MITF: variants seen among roughly 807,000 people sequenced by gnomAD.
MITF encodes the protein melanocyte inducing transcription factor.
In MITF, 17 loss-of-function variants were observed where a neutral mutation model predicts 60.5. That is an observed-to-expected ratio of 0.28 (90% CI 0.19 to 0.42). The LOEUF is 0.42. MITF is among the 10% of genes least tolerant of loss of function. MITF has a pLI of 1.00. For missense variants in MITF, 622 were observed against 683.5 expected (o/e 0.91, Z 1.00); for synonymous variants, 260 against 248.5 (o/e 1.05, Z -0.43).
rs1186018504 is a variant in MITF at position 69,967,132 on chromosome 3, G to A, written c.*1884G>A. The A allele has an allele frequency of 4.3e-6, 1 of 232,826 alleles. No homozygotes were observed. Among genetic ancestry groups the A allele is most frequent in the Non-Finnish European group, 8.5e-6 (1 of 117,528 alleles). The allele number at this position is 232,826 out of a possible 1,614,324, so 14.4% of individuals were successfully genotyped here. On this transcript the variant is annotated 3_prime_UTR_variant, in exon 10 of 10. Transcript: ENST00000352241. ...TCAGAGAGGAGTGATCGTCAGATGT[G>A]TGAATGGACGGTTTAGGTGAAAATA...
chr3:69,809,240 A>C (rs1249618106), intron 1 of MITF, among the ~76,000 whole-genome samples: 1 of 152,110 alleles, frequency 6.6e-6, no homozygotes, highest in Admixed American at 6.6e-5. Context: ...AATGGGGTGA[A>C]TGTGGGGGAG....
At chr3:69,897,061 A>G (rs2064891517) in intron 2 of MITF, among the ~76,000 whole-genome samples, 1 of 152,164 alleles carries the variant, frequency 6.6e-6, no homozygotes, top group Non-Finnish European at 1.5e-5. Flanking sequence ...AGCAGAAGGT[A>G]GGACTAGGAG....
Position 69,939,080 on chromosome 3 carries a change from T to C in MITF, c.583-18T>C. On this transcript the variant is annotated intron_variant, in intron 3 of 9. Transcript: ENST00000352241. ...TGCAAATCCAAGTTATAGACTGTTT[T>C]TGCTTGTGTTTTTGCAGGGATTTTA... is the stretch of plus-strand genomic sequence containing the variant. The C allele has an allele frequency of 6.2e-7, 1 of 1,613,382 alleles. No homozygotes were observed. The highest frequency in any genetic ancestry group is 2.2e-5 in the East Asian group (1 of 44,790).
intron 7 of MITF, among the ~76,000 whole-genome samples, chr3:69,954,781 T>C (rs1020334563): frequency 6.6e-6 from 1 of 152,206 alleles, no homozygotes; most frequent in African/African-American, 2.4e-5. Context: ...ATGGTAGGAC[T>C]TCGTATTATA....
intron 2 of MITF, among the ~76,000 whole-genome samples, chr3:69,902,339 G>A (rs2065011462): frequency 6.6e-6 from 1 of 151,702 alleles, no homozygotes; most frequent in Admixed American, 6.6e-5. Context: ...ATGTATACTT[G>A]AAGCTTGCTT....
At chr3:69,756,549 G>A (rs990516360) in intron 1 of MITF, among the ~76,000 whole-genome samples, 5 of 152,068 alleles carry the variant, frequency 3.3e-5, no homozygotes, top group Non-Finnish European at 4.4e-5. Flanking sequence ...GGGCATTTGG[G>A]TTGGTTCCAA....
At chr3:69,850,350 C>T (rs2063804525) in intron 1 of MITF, among the ~76,000 whole-genome samples, 1 of 152,114 alleles carries the variant, frequency 6.6e-6, no homozygotes, top group South Asian at 2.1e-4. Flanking sequence ...GATACAGTCT[C>T]TTAAAGTCTC....
chr3:69,846,061 G>T (rs1027569820), intron 1 of MITF, among the ~76,000 whole-genome samples: 1 of 151,814 alleles, frequency 6.6e-6, no homozygotes, highest in Admixed American at 6.6e-5. Flanking sequence ...GTTGGTAAGT[G>T]CTATAAAGAA....
intron 2 of MITF, among the ~76,000 whole-genome samples, chr3:69,920,380 T>A (rs1029381901): frequency 6.6e-6 from 1 of 152,126 alleles, no homozygotes; most frequent in Non-Finnish European, 1.5e-5. Context: ...CTGACATCAG[T>A]CAGGCTTGCC....
rs145568886 is a variant in MITF, at chr3:69,965,133, C to T, written c.1466C>T (p.Thr489Ile). The change falls in exon 10 of 10, where the codon ACC becomes ATC. Residue 489 changes from threonine to isoleucine, a missense_variant. Thr to Ile is a moderately conservative substitution (Grantham distance 89). This residue lies in a region of MITF where 224 missense variants were observed against 209.5 expected (regional missense o/e 1.07). Transcript: ENST00000352241. ...CTGGAAGACATCCTGATGGACGACA[C>T]CCTTTCTCCCGTCGGTGTCACTGAT... is the stretch of plus-strand genomic sequence containing the variant. ...SKLEDILMDD[T>I]LSPVGVTDPL... is the part of the protein sequence containing the mutation. 5 of 1,614,104 alleles carry T rather than the reference C, an allele frequency of 3.1e-6. No individual in the cohort carries two copies. The African/African-American group carries it at 4.0e-5, about 13-fold the overall frequency.
chr3:69,845,767 G>A lies in MITF; in HGVS notation c.105-33367G>A, dbSNP rs1259787485. Among the ~76,000 whole-genome samples, 3 of 152,108 alleles carry A rather than the reference G, an allele frequency of 2.0e-5. No homozygotes were observed. In the East Asian group the frequency reaches 5.8e-4, roughly 29 times the overall value. ...TTTTCTTGGTCTGCAACCCATTGTTGGTCCACCACCCAAGCTGATCCTGCT... is the reference window on the plus strand; with the variant it reads ...TTTTCTTGGTCTGCAACCCATTGTTAGTCCACCACCCAAGCTGATCCTGCT... On this transcript the variant is annotated intron_variant, in intron 1 of 9. Coordinates refer to ENST00000352241, the MANE Select transcript of MITF (RefSeq NM_001354604.2).
chr3:69,817,604 G>A (rs537323784), intron 1 of MITF, among the ~76,000 whole-genome samples: 1 of 152,096 alleles, frequency 6.6e-6, no homozygotes, highest in South Asian at 2.1e-4. Flanking sequence ...AGATGGGAGG[G>A]AGAGCAGGCA....
At chr3:69,859,173 C>T (rs2063969421) in intron 1 of MITF, among the ~76,000 whole-genome samples, 1 of 152,118 alleles carries the variant, frequency 6.6e-6, no homozygotes, top group South Asian at 2.1e-4. Flanking sequence ...TGTTTATATC[C>T]ATAGGAGTGA....
chr3:69,820,232 A>G (rs1426973179), intron 1 of MITF, among the ~76,000 whole-genome samples: 1 of 152,194 alleles, frequency 6.6e-6, no homozygotes, highest in Non-Finnish European at 1.5e-5. Context: ...TTTCTTTTTA[A>G]TGTGGCTACT....
At chr3:69,831,934 G>A (rs2063454416) in intron 1 of MITF, among the ~76,000 whole-genome samples, 1 of 152,154 alleles carries the variant, frequency 6.6e-6, no homozygotes, top group South Asian at 2.1e-4. Context: ...GGTACACAGG[G>A]TGTACGCATG....
chr3:69,840,306 T>C (rs2063612330), intron 1 of MITF, among the ~76,000 whole-genome samples: 1 of 152,142 alleles, frequency 6.6e-6, no homozygotes, highest in Non-Finnish European at 1.5e-5. Flanking sequence ...ACTGTGAGGT[T>C]TGAGAAAATT....
At chr3:69,888,125 C>T (rs774912237) in intron 2 of MITF, among the ~76,000 whole-genome samples, 1 of 152,044 alleles carries the variant, frequency 6.6e-6, no homozygotes, top group African/African-American at 2.4e-5. Context: ...TACTACCATG[C>T]ATAACTCTGT....
intron 9 of MITF, among the ~76,000 whole-genome samples, chr3:69,962,325 A>G (rs980408208): frequency 3.9e-5 from 6 of 152,314 alleles, no homozygotes; most frequent in Admixed American, 2.0e-4. Flanking sequence ...TGGAACTGCC[A>G]TTTTATTAAA....
intron 4 of MITF, 75 bp from the exon 5 acceptor site, chr3:69,941,161 C>A: frequency 1.0e-6 from 1 of 954,716 alleles, no homozygotes; most frequent in African/African-American, 1.6e-5. Context: ...TAAAAAAAGA[C>A]CATGAGTCTC....
Sources: gnomAD v4.1 joint callset for allele counts (sites outside exome capture counted in the v4.1 genomes callset) on GRCh38, gnomAD v4.1.1 for gene constraint, gnomAD v4.1.1 regional missense constraint, MANE v1.5 for transcripts, NCBI Gene and HGNC (gene_info 2026-07-23, HGNC 2026-07-21) for gene names.